Variants in SCOC observed in about 807,000 individuals in gnomAD.
SCOC encodes the protein short coiled-coil protein.
In SCOC, 7 loss-of-function variants were observed where a neutral mutation model predicts 9.9. The ratio of observed to expected loss-of-function variants is 0.71; its 90% CI spans 0.40 to 1.33. SCOC has a LOEUF of 1.33. Among genes scored for constraint, SCOC ranks in the 40% most tolerant of loss-of-function variants. The probability of loss-of-function intolerance (pLI) is 0.01; values close to 1 mark genes in which losing one functional copy is unlikely to be tolerated. For synonymous variants in SCOC, 19 were observed against 28.2 expected, an observed-to-expected ratio of 0.67 and a Z score of 1.03; for missense variants, 66 against 89.7, an observed-to-expected ratio of 0.74 and a Z score of 1.07.
chr4:140,373,742 G>A lies in SCOC; in HGVS notation c.-51+25G>A, dbSNP rs1026396477. ...GGTGAGGGCCGTCCCGGGCAGCGGA[G>A]GGCCTGGCCCCAGGCGACTAGAGCT... On this transcript the variant is annotated intron_variant, in intron 1 of 3. Coordinates refer to ENST00000608372, the MANE Select transcript of SCOC (RefSeq NM_001153484.2). The A allele has an allele frequency of 7.8e-6, 12 of 1,539,544 alleles. No individual in the cohort carries two copies. The African/African-American group carries it at 9.6e-5, about 12-fold the overall frequency.
At position 140,382,159 on chromosome 4, in the gene SCOC, G is replaced by A. The variant is rs745650549; in HGVS notation, c.*1055G>A. On this transcript the variant is annotated 3_prime_UTR_variant, in exon 4 of 4. Coordinates refer to ENST00000608372, the MANE Select transcript of SCOC (RefSeq NM_001153484.2). ...TGAATAAAATGGGAAAGTTATACAT[G>A]TATACTTATTATCTTGCTCAGTATT... 2 of 152,098 alleles carry A rather than the reference G, an allele frequency of 1.3e-5. No individual in the cohort carries two copies. The highest frequency in any genetic ancestry group is 2.9e-5 in the Non-Finnish European group (2 of 68,008). The allele number at this position is 152,098 out of a possible 1,614,324, so 9.4% of individuals were successfully genotyped here.
At chr4:140,291,351 T>A in intron 1 of SCOC, 1 of 454,974 alleles carries the variant, frequency 2.2e-6, no homozygotes, top group Non-Finnish European at 4.4e-6. Flanking sequence ...CCTAAAGACT[T>A]CACGTGGTGG....
chr4:140,356,084 G>A (rs2126540301), intron 2 of SCOC, among the ~76,000 whole-genome samples: 1 of 152,280 alleles, frequency 6.6e-6, no homozygotes, highest in African/African-American at 2.4e-5. Flanking sequence ...TGGAGAAAGT[G>A]GCAAATTTAG....
At chr4:140,301,097 C>T (rs1731797821) in intron 1 of SCOC, among the ~76,000 whole-genome samples, 1 of 152,080 alleles carries the variant, frequency 6.6e-6, no homozygotes, top group Non-Finnish European at 1.5e-5. Flanking sequence ...CAGTGGTCAC[C>T]CAAGAATGGG....
At chr4:140,264,563 A>C (rs1000203510) in intron 1 of SCOC, among the ~76,000 whole-genome samples, 3 of 152,148 alleles carry the variant, frequency 2.0e-5, no homozygotes, top group Non-Finnish European at 4.4e-5. Flanking sequence ...GATGCCCTTG[A>C]GGTCATTTTG....
intron 1 of SCOC, among the ~76,000 whole-genome samples, chr4:140,260,085 C>T (rs146458239): frequency 1.3e-4 from 20 of 152,328 alleles, no homozygotes; most frequent in Non-Finnish European, 2.8e-4. Flanking sequence ...TTTGAGCACT[C>T]AGCAAACACT....
intron 1 of SCOC, among the ~76,000 whole-genome samples, chr4:140,258,577 C>G (rs1349931079): frequency 6.6e-6 from 1 of 152,176 alleles, no homozygotes; most frequent in Non-Finnish European, 1.5e-5. Context: ...TCTCCTCTGA[C>G]CTCACCACTT....
intron 2 of SCOC, among the ~76,000 whole-genome samples, chr4:140,355,606 T>C (rs148927427): frequency 6.6e-6 from 1 of 152,314 alleles, no homozygotes; most frequent in Non-Finnish European, 1.5e-5. Context: ...GGTGCCTGCA[T>C]TGCAGGTACT....
intron 1 of SCOC, chr4:140,291,373 C>T (rs534024050): frequency 1.1e-4 from 48 of 455,824 alleles, no homozygotes; most frequent in South Asian, 7.1e-4. Flanking sequence ...AGCCGCCTGG[C>T]TCTTCATATA....
At chr4:140,350,897 T>C (rs1397052829) in intron 2 of SCOC, among the ~76,000 whole-genome samples, 1 of 152,056 alleles carries the variant, frequency 6.6e-6, no homozygotes, top group African/African-American at 2.4e-5. Context: ...CCTAAAAGGC[T>C]CTGAGATCTG....
At chr4:140,326,878 A>G (rs1732665489) in intron 1 of SCOC, among the ~76,000 whole-genome samples, 1 of 152,228 alleles carries the variant, frequency 6.6e-6, no homozygotes, top group East Asian at 1.9e-4. Context: ...ATCACTGCTC[A>G]CAATGTGACT....
chr4:140,337,304 C>T (rs572600809), intron 1 of SCOC, among the ~76,000 whole-genome samples: 17 of 152,148 alleles, frequency 1.1e-4, no homozygotes, highest in African/African-American at 3.9e-4. Context: ...ATCTAAGAAT[C>T]CTGTGGCAAA....
chr4:140,353,219 A>G (rs1727053299), intron 2 of SCOC, among the ~76,000 whole-genome samples: 1 of 152,202 alleles, frequency 6.6e-6, no homozygotes, highest in South Asian at 2.1e-4. Context: ...AGGACAAACC[A>G]GATGAATCAG....
chr4:140,269,443 T>A (rs186694005), intron 1 of SCOC, among the ~76,000 whole-genome samples: 37 of 151,948 alleles, frequency 2.4e-4, no homozygotes, highest in African/African-American at 8.9e-4. Flanking sequence ...ATTGGAAAGG[T>A]CACATGGAGG....
At chr4:140,314,448 C>G (rs1218292188) in intron 1 of SCOC, 3 of 152,490 alleles carry the variant, frequency 2.0e-5, no homozygotes, top group African/African-American at 7.2e-5. Flanking sequence ...TGGCCAATCG[C>G]TCAGCTTGTG....
At chr4:140,277,188 CAG>C (rs1005875981) in intron 1 of SCOC, among the ~76,000 whole-genome samples, 27 of 152,184 alleles carry the variant, frequency 1.8e-4, no homozygotes, top group African/African-American at 6.0e-4. Context: ...CTTAAAGAGA[CAG>C]AGCTTAACAA....
upstream of SCOC, chr4:140,373,575 G>C: frequency 6.4e-7 from 1 of 1,551,712 alleles, no homozygotes; most frequent in South Asian, 1.2e-5. Flanking sequence ...ATTGGCGGGC[G>C]AGCGGCTGGG....
At chr4:140,315,343 A>C (rs1276257704) in intron 1 of SCOC, among the ~76,000 whole-genome samples, 1 of 152,206 alleles carries the variant, frequency 6.6e-6, no homozygotes, top group Non-Finnish European at 1.5e-5. Context: ...CTGAATATAC[A>C]TTACCTAATC....
intron 2 of SCOC, among the ~76,000 whole-genome samples, chr4:140,345,789 C>T (rs1726712646): frequency 6.6e-6 from 1 of 152,084 alleles, no homozygotes; most frequent in Non-Finnish European, 1.5e-5. Flanking sequence ...GTCTAAATGC[C>T]TTGCCCAAGA....
Sources: allele counts gnomAD v4.1 joint callset (sites outside exome capture counted in the v4.1 genomes callset), GRCh38; gene constraint gnomAD v4.1.1; transcripts MANE v1.5; gene names NCBI Gene and HGNC (gene_info 2026-07-23, HGNC 2026-07-21).